The following DNAH6 variants were observed in gnomAD, a reference collection of about 807,000 sequenced individuals.
DNAH6 encodes the protein dynein axonemal heavy chain 6, also known as axonemal beta dynein heavy chain 6.
Under a neutral mutation model 491.4 loss-of-function variants are expected in DNAH6, and 340 were observed. The ratio of observed to expected loss-of-function variants is 0.69; its 90% confidence interval spans 0.63 to 0.76. DNAH6 has a LOEUF of 0.76. DNAH6 is among the 30% of genes least tolerant of loss of function. DNAH6 has a pLI of 0.00. For missense variants in DNAH6, 4,443 were observed against 4,972.2 expected (o/e 0.89, Z 3.20); for synonymous variants, 1,603 against 1,686.1 (o/e 0.95, Z 1.21).
Position 84,549,744 on chromosome 2 carries a change from A to C in DNAH6, c.1317-145A>C, listed in dbSNP as rs1572986323. The C allele has an allele frequency of 4.8e-6, 3 of 621,124 alleles. No individual in the cohort carries two copies. The East Asian group carries it at 8.5e-5, about 18-fold the overall frequency. 38.5% of individuals were successfully genotyped at this position (621,124 alleles called of 1,614,324 possible). On this transcript the variant is annotated intron_variant, in intron 8 of 76. Coordinates refer to ENST00000389394, the MANE Select transcript of DNAH6 (RefSeq NM_001370.2). The stretch of plus-strand genomic sequence containing the variant: ...TAAGGACAACTCTTCTGGACAGTAC[A>C]TTTCTGATATTGTAATATAATTAAA...
chr2:84,765,855 A>G (rs184743213), intron 64 of DNAH6, among the ~76,000 whole-genome samples: 1 of 152,220 alleles, frequency 6.6e-6, no homozygotes, highest in African/African-American at 2.4e-5. Context: ...TACAGAAGGT[A>G]GAAAATAAAG....
At chr2:84,518,864 C>A (rs538818348) in intron 2 of DNAH6, among the ~76,000 whole-genome samples, 1 of 152,206 alleles carries the variant, frequency 6.6e-6, no homozygotes, top group African/African-American at 2.4e-5. Flanking sequence ...GCAGACTGAA[C>A]AATTTCACCT....
chr2:84,671,043 C>A (rs754235435), intron 39 of DNAH6, among the ~76,000 whole-genome samples: 2 of 152,094 alleles, frequency 1.3e-5, no homozygotes, highest in Non-Finnish European at 2.9e-5. Context: ...GCTCCAGGTA[C>A]GTATGGGAGG....
intron 12 of DNAH6, among the ~76,000 whole-genome samples, chr2:84,576,345 C>G (rs569256798): frequency 6.6e-6 from 1 of 152,064 alleles, no homozygotes; most frequent in Non-Finnish European, 1.5e-5. Context: ...CCAATACTTT[C>G]TCTGGTGTGT....
At chr2:84,477,590 C>T in the DNAH6 span, among the ~76,000 whole-genome samples, 1 of 152,116 alleles carries the variant, frequency 6.6e-6, no homozygotes, top group African/African-American at 2.4e-5. Flanking sequence ...TTCCCTAACC[C>T]GAGGATCCTT....
At chr2:84,818,020 C>T (rs907093009) in intron 76 of DNAH6, among the ~76,000 whole-genome samples, 2 of 152,162 alleles carry the variant, frequency 1.3e-5, no homozygotes, top group Non-Finnish European at 2.9e-5. Context: ...ATCAAACATC[C>T]AAACTATAGA....
chr2:84,506,727 T>C, the DNAH6 span, among the ~76,000 whole-genome samples: 1 of 152,204 alleles, frequency 6.6e-6, no homozygotes, highest in Non-Finnish European at 1.5e-5. Context: ...TTTAACCATC[T>C]TGAATTAATT....
chr2:84,485,274 T>G, the DNAH6 span, among the ~76,000 whole-genome samples: 2,350 of 152,222 alleles, frequency 0.015, 38 homozygotes, highest in Middle Eastern at 0.092. Flanking sequence ...CCATTGTCCT[T>G]CCAGGAGGGA....
At chr2:84,768,114 T>C (rs116026045) in intron 64 of DNAH6, among the ~76,000 whole-genome samples, 2 of 152,164 alleles carry the variant, frequency 1.3e-5, no homozygotes, top group Non-Finnish European at 2.9e-5. Context: ...AGGAACTATA[T>C]CAAAACTTGT....
At chr2:84,722,409 C>T (rs900188675) in intron 59 of DNAH6, among the ~76,000 whole-genome samples, 6 of 152,118 alleles carry the variant, frequency 3.9e-5, no homozygotes, top group African/African-American at 1.4e-4. Flanking sequence ...TGCCTGCTGC[C>T]CTCTGCCTAT....
At chr2:84,492,260 G>A in the DNAH6 span, among the ~76,000 whole-genome samples, 1 of 152,168 alleles carries the variant, frequency 6.6e-6, no homozygotes, top group African/African-American at 2.4e-5. Flanking sequence ...ACCTTCAAAT[G>A]TGCCTACTGT....
the DNAH6 span, among the ~76,000 whole-genome samples, chr2:84,490,570 A>G: frequency 6.6e-6 from 1 of 152,008 alleles, no homozygotes; most frequent in Non-Finnish European, 1.5e-5. Flanking sequence ...TGAATATATT[A>G]TTTATTTTTA....
chr2:84,720,347 C>G (rs897548554), intron 59 of DNAH6, among the ~76,000 whole-genome samples: 16 of 127,118 alleles, frequency 1.3e-4, no homozygotes, highest in Non-Finnish European at 2.2e-4. Flanking sequence ...GGCGGGATCT[C>G]GGCTCACTGC....
intron 33 of DNAH6, among the ~76,000 whole-genome samples, chr2:84,642,881 A>G (rs1689559439): frequency 6.6e-6 from 1 of 152,174 alleles, no homozygotes; most frequent in South Asian, 2.1e-4. Context: ...TGCTATAACA[A>G]TTTTGAACAA....
chr2:84,679,109 A>G (rs886775018), intron 41 of DNAH6, among the ~76,000 whole-genome samples: 1 of 152,236 alleles, frequency 6.6e-6, no homozygotes, highest in Non-Finnish European at 1.5e-5. Flanking sequence ...ATTTATTTTT[A>G]GCAACATATA....
chr2:84,744,132 T>A (rs534233245), intron 62 of DNAH6, among the ~76,000 whole-genome samples: 2 of 152,288 alleles, frequency 1.3e-5, no homozygotes, highest in South Asian at 4.2e-4. Flanking sequence ...GTCAGAAGTG[T>A]CACTAAATTT....
At chr2:84,708,094 A>T (rs2104857954) in intron 54 of DNAH6, among the ~76,000 whole-genome samples, 1 of 152,298 alleles carries the variant, frequency 6.6e-6, no homozygotes, top group East Asian at 1.9e-4. Flanking sequence ...AGAAAGGAGC[A>T]GGCAGGACCA....
Position 84,579,492 on chromosome 2 carries a change from G to A in DNAH6, c.2077-35G>A, listed in dbSNP as rs376368765. The A allele has an allele frequency of 9.3e-5, 149 of 1,604,296 alleles. No individual in the cohort carries two copies. The African/African-American group carries it at 1.1e-3, about 12-fold the overall frequency. Reference sequence around the variant, plus strand: ...AATACATAATAAAATGAAAATATTCGACTATTTACAATTCACACGGTGTTT... The same window carrying A: ...AATACATAATAAAATGAAAATATTCAACTATTTACAATTCACACGGTGTTT... On this transcript the variant is annotated intron_variant, in intron 13 of 76. Coordinates refer to ENST00000389394, the MANE Select transcript of DNAH6 (RefSeq NM_001370.2).
At chr2:84,683,229 T>C (rs1693957792) in intron 42 of DNAH6, among the ~76,000 whole-genome samples, 1 of 152,146 alleles carries the variant, frequency 6.6e-6, no homozygotes, top group Non-Finnish European at 1.5e-5. Context: ...CCCCAAGGGC[T>C]GTATGCTTAG....
Sources: gnomAD v4.1 joint callset for allele counts (sites outside exome capture counted in the v4.1 genomes callset) on GRCh38, gnomAD v4.1.1 for gene constraint, MANE v1.5 for transcripts, NCBI Gene and HGNC (gene_info 2026-07-23, HGNC 2026-07-21) for gene names.